VARS1: variants seen among roughly 807,000 people sequenced by gnomAD.
VARS1 encodes valine--tRNA ligase.
A neutral mutation model predicts 161.0 loss-of-function variants in VARS1; 92 were observed. The ratio of observed to expected loss-of-function variants is 0.57; its 90% CI spans 0.48 to 0.68. The LOEUF is 0.68. Among genes scored for constraint, VARS1 ranks in the 30% least tolerant of loss-of-function variants. The pLI is 0.00. For synonymous variants in VARS1, 595 were observed against 682.5 expected, an observed-to-expected ratio of 0.87 and a Z score of 2.00; for missense variants, 1,338 against 1,695.9, an observed-to-expected ratio of 0.79 and a Z score of 3.71.
In VARS1 at chr6:31,781,159, C is replaced by T. The variant is rs770178365; in HGVS notation, c.2545-36G>A. 1.1e-5 allele frequency: 18 copies of T among 1,606,854 alleles called. No homozygotes were observed. The African/African-American group carries it at 2.3e-4, about 20-fold the overall frequency. On this transcript the variant is annotated intron_variant, in intron 21 of 29. Coordinates refer to ENST00000375663, the MANE Select transcript of VARS1 (RefSeq NM_006295.3). The surrounding 1 kb of genome is among the most constrained non-coding windows in gnomAD (Gnocchi z 6.8). The stretch of plus-strand genomic sequence containing the variant: ...GGTGGGGAGGCCCATGAGACTCAGT[C>T]CTCTCCTTCCCCGGCCTCAGTGCCC...
rs1175119622 is a variant in VARS1 at position 31,778,581 on chromosome 6, C to G, written c.3726+386G>C. Among the ~76,000 whole-genome samples the G allele has an allele frequency of 6.6e-6, 1 of 152,128 alleles. No individual in the cohort carries two copies. Among genetic ancestry groups the G allele is most frequent in the Non-Finnish European group, 1.5e-5 (1 of 68,018 alleles). ...CTCAAGTGCAGTGGCATGATCTCGGCTCACTGCAGTCTTGACCTCCCAGGC... is the reference window on the plus strand; with the variant it reads ...CTCAAGTGCAGTGGCATGATCTCGGGTCACTGCAGTCTTGACCTCCCAGGC... On this transcript the variant is annotated intron_variant, in intron 29 of 29. Coordinates refer to ENST00000375663, the MANE Select transcript of VARS1 (RefSeq NM_006295.3). The surrounding 1 kb of genome is among the most constrained non-coding windows in gnomAD (Gnocchi z 5.1).
At position 31,779,197 on chromosome 6, in the gene VARS1, G is replaced by A. The variant is rs1812951394; in HGVS notation, c.3496C>T (p.Leu1166=). 3.1e-6 allele frequency: 5 copies of A among 1,607,308 alleles called. No homozygotes were observed. Among genetic ancestry groups the A allele is most frequent in the Admixed American group, 1.7e-5 (1 of 59,346 alleles). ...TGGGGGGCGGGAGCCCCCAGGGCCA[G>A]AACAGCCACCACACCTGCGCTGGCC... The part of the protein sequence containing the change: ...ALASAGVVAV[L]ALGAPAPQGC... The change falls in exon 29 of 30, where the codon CTG becomes TTG. Residue 1166 remains leucine, a synonymous_variant. Transcript: ENST00000375663. The surrounding 1 kb of genome is among the most constrained non-coding windows in gnomAD (Gnocchi z 9.1).
Position 31,785,413 on chromosome 6 carries a change from C to A in VARS1, c.1266-86G>T. 6.4e-7 allele frequency: 1 copy of A among 1,574,782 alleles called. No individual in the cohort carries two copies. The highest frequency in any genetic ancestry group is 8.7e-7 in the Non-Finnish European group (1 of 1,154,456). ...CTGACTGGGCAGTGTGGAGATCACC[C>A]ATCCCCCTGAAATTTACCTGGGCCC... is the stretch of plus-strand genomic sequence containing the variant. On this transcript the variant is annotated intron_variant, in intron 9 of 29. Coordinates refer to ENST00000375663, the MANE Select transcript of VARS1 (RefSeq NM_006295.3). This position sits in a 1 kb window ranked among gnomAD's most constrained non-coding sequence, Gnocchi z 6.1.
At position 31,784,413 on chromosome 6, in the gene VARS1, G is replaced by C. The variant is rs1813356364; in HGVS notation, c.1557C>G (p.Ala519=). The change falls in exon 12 of 30, where the codon GCC becomes GCG. Residue 519 remains alanine, a synonymous_variant. Transcript: ENST00000375663. The surrounding 1 kb of genome is among the most constrained non-coding windows in gnomAD (Gnocchi z 6.1). ...KVEFGVLVSF[A]YKVQGSDSDE... ...TCCTACCTGAGCCTTGGACCTTATA[G>C]GCAAAGGACACGAGGACCCCGAACT... 2 of 1,614,112 alleles carry C rather than the reference G, an allele frequency of 1.2e-6. No individual in the cohort carries two copies. The highest frequency in any genetic ancestry group is 2.2e-5 in the South Asian group (2 of 91,086).
At chr6:31,783,230 C>T (rs769337159) in intron 13 of VARS1, 44 bp from the exon 14 acceptor site, 18 of 1,584,608 alleles carry the variant, frequency 1.1e-5, no homozygotes, top group East Asian at 6.7e-5. Flanking sequence ...CAGGGCCAGA[C>T]GCCGTGATTC....
rs1207727389 is a variant in VARS1 at position 31,795,238 on chromosome 6, G to A, written c.-21C>T. The A allele has an allele frequency of 1.4e-6, 2 of 1,402,804 alleles. No homozygotes were observed. The highest frequency in any genetic ancestry group is 2.8e-5 in the African/African-American group (2 of 70,328). The allele number at this position is 1,402,804 out of a possible 1,614,324, so 86.9% of individuals were successfully genotyped here. On this transcript the variant is annotated 5_prime_UTR_variant, in exon 2 of 30. Coordinates refer to ENST00000375663, the MANE Select transcript of VARS1 (RefSeq NM_006295.3). The surrounding 1 kb of genome is among the most constrained non-coding windows in gnomAD (Gnocchi z 6.9). ...GACATAGTTATGAGAAGGTCCGAAC[G>A]AAGTGGAAAAACCTAAGGAGAAAGA...
At position 31,781,157 on chromosome 6, in the gene VARS1, G is replaced by C. The variant is rs374753529; in HGVS notation, c.2545-34C>G. The C allele has an allele frequency of 1.3e-4, 214 of 1,608,066 alleles. No individual in the cohort carries two copies. In the African/African-American group the frequency reaches 2.6e-3, roughly 20 times the overall value. The stretch of plus-strand genomic sequence containing the variant: ...CAGGTGGGGAGGCCCATGAGACTCA[G>C]TCCTCTCCTTCCCCGGCCTCAGTGC... On this transcript the variant is annotated intron_variant, in intron 21 of 29. Transcript: ENST00000375663. The surrounding 1 kb of genome is among the most constrained non-coding windows in gnomAD (Gnocchi z 6.8).
rs943449778 is a variant in VARS1, at chr6:31,793,011, G to A, written c.497C>T (p.Thr166Ile). The change falls in exon 3 of 30, where the codon ACA becomes ATA. Residue 166 changes from threonine (T) to isoleucine (I), a missense_variant. By Grantham distance (89) the Thr-to-Ile change is moderately conservative. Transcript: ENST00000375663. Reference protein sequence around the residue: ...APTLADLAAVTALLLPFRYVL... With the variant: ...APTLADLAAVIALLLPFRYVL... ...GTATCGGAAAGGCAGCAGCAAGGCT[G>A]TGACAGCCGCCAGGTCAGCCAGAGT... is the stretch of plus-strand genomic sequence containing the variant. 1.1e-5 allele frequency: 17 copies of A among 1,613,214 alleles called. No homozygotes were observed. Among genetic ancestry groups the A allele is most frequent in the Admixed American group, 1.7e-5 (1 of 60,010 alleles).
At position 31,779,970 on chromosome 6, in the gene VARS1, T is replaced by A; in HGVS notation, c.3081+28A>T. 2 of 1,611,658 alleles carry A rather than the reference T, an allele frequency of 1.2e-6. No individual in the cohort carries two copies. The highest frequency in any genetic ancestry group is 1.7e-6 in the Non-Finnish European group (2 of 1,178,748). ...CTCTGCTGCCCACCTGCCCCCACCA[T>A]CCCCTGCCCCGCTGTGCTCCTTCTC... On this transcript the variant is annotated intron_variant, in intron 26 of 29. Transcript: ENST00000375663. This position sits in a 1 kb window ranked among gnomAD's most constrained non-coding sequence, Gnocchi z 9.1.
In VARS1 at chr6:31,777,820, A is replaced by AC; in HGVS notation, c.3727-159dup. The AC allele has an allele frequency of 1.4e-6, 1 of 728,210 alleles. No homozygotes were observed. The highest frequency in any genetic ancestry group is 2.3e-6 in the Non-Finnish European group (1 of 433,230). The allele number at this position is 728,210 out of a possible 1,614,324, so 45.1% of individuals were successfully genotyped here. A position where few individuals can be genotyped will look rare whatever the true frequency, so the allele number is the denominator to read the frequency against. The stretch of plus-strand genomic sequence containing the variant: ...CTGGCCTGGCTCCCCACCCATTCCC[A>AC]CCAGCACCCCCACTTCCACCACCAC... On this transcript the variant is annotated intron_variant, in intron 29 of 29. Transcript: ENST00000375663. This position sits in a 1 kb window ranked among gnomAD's most constrained non-coding sequence, Gnocchi z 5.8.
In VARS1 at chr6:31,777,592, G is replaced by A; in HGVS notation, c.*2C>T. ...GGGTGAGGGGTGAAGCTGGGTGGTG[G>A]ATCACAGCATCTTCTGGAATAGGGC... On this transcript the variant is annotated 3_prime_UTR_variant, in exon 30 of 30. Coordinates refer to ENST00000375663, the MANE Select transcript of VARS1 (RefSeq NM_006295.3). This position sits in a 1 kb window ranked among gnomAD's most constrained non-coding sequence, Gnocchi z 5.8. 1 of 1,614,086 alleles carries A rather than the reference G, an allele frequency of 6.2e-7. No homozygotes were observed.
At chr6:31,783,389 A>T (rs1253066278) in intron 13 of VARS1, 1 of 594,338 alleles carries the variant, frequency 1.7e-6, no homozygotes, top group African/African-American at 1.9e-5. Flanking sequence ...GCGTGCCTGT[A>T]ATCTCAGCTA....
At chr6:31,790,545 T>C (rs995908469) in intron 8 of VARS1, among the ~76,000 whole-genome samples, 2 of 123,076 alleles carry the variant, frequency 1.6e-5, no homozygotes, top group East Asian at 5.0e-4. Flanking sequence ...GAGGTTGCGG[T>C]GAGCCGAGAT....
intron 8 of VARS1, among the ~76,000 whole-genome samples, chr6:31,789,921 G>A (rs1813757790): frequency 6.6e-6 from 1 of 152,046 alleles, no homozygotes; most frequent in Non-Finnish European, 1.5e-5. Flanking sequence ...CTACTTGGGA[G>A]GCTGAGGCAG....
Position 31,782,393 on chromosome 6 carries a change from C to T in VARS1, c.2042G>A (p.Arg681His), listed in dbSNP as rs551633326. 92 of 1,612,406 alleles carry T rather than the reference C, an allele frequency of 5.7e-5. No individual in the cohort carries two copies. The East Asian group carries it at 1.3e-3, about 23-fold the overall frequency. ...GGCAGCCTGGGCCATCTCCCCGCAG[C>T]GAACGTACCACTGCGGCCGCAGCAG... The part of the protein sequence containing the change: ...EPLLRPQWYV[R>H]CGEMAQAASA... The change falls in exon 17 of 30, where the codon CGC becomes CAC. Residue 681 changes from arginine to histidine, a missense_variant. Physicochemically the swap from Arg to His is conservative, Grantham distance 29. Coordinates refer to ENST00000375663, the MANE Select transcript of VARS1 (RefSeq NM_006295.3). The surrounding 1 kb of genome is among the most constrained non-coding windows in gnomAD (Gnocchi z 8.3).
rs535205609 is a variant in VARS1 at position 31,790,928 on chromosome 6, G to A, written c.1100+682C>T. On this transcript the variant is annotated intron_variant, in intron 8 of 29. Transcript: ENST00000375663. ...TGATAACAATGGCTAAATCTTAGGA[G>A]GAAGTAGGTGTGGAGGGGGATGGTC... Among the ~76,000 whole-genome samples the A allele has an allele frequency of 7.9e-5, 12 of 152,272 alleles. No homozygotes were observed. In the South Asian group the frequency reaches 1.7e-3, roughly 21 times the overall value.
Position 31,791,521 on chromosome 6 carries a change from G to C in VARS1, c.1100+89C>G, listed in dbSNP as rs1158524157. Reference sequence around the variant, plus strand: ...GGGGGCAGAAGTGAGCACCAACCCAGAAGGAGAGAGGCTCGGGGGGCTGTC... The same window carrying C: ...GGGGGCAGAAGTGAGCACCAACCCACAAGGAGAGAGGCTCGGGGGGCTGTC... On this transcript the variant is annotated intron_variant, in intron 8 of 29. Coordinates refer to ENST00000375663, the MANE Select transcript of VARS1 (RefSeq NM_006295.3). This position sits in a 1 kb window ranked among gnomAD's most constrained non-coding sequence, Gnocchi z 5.0. 6.6e-7 allele frequency: 1 copy of C among 1,508,832 alleles called. No individual in the cohort carries two copies. Among genetic ancestry groups the C allele is most frequent in the Non-Finnish European group, 8.9e-7 (1 of 1,129,108 alleles). 93.5% of individuals were successfully genotyped at this position (1,508,832 alleles called of 1,614,324 possible).
chr6:31,782,446 G>T lies in VARS1; in HGVS notation c.1992-3C>A. 1 of 1,612,054 alleles carries T rather than the reference G, an allele frequency of 6.2e-7. No individual in the cohort carries two copies. The highest frequency in any genetic ancestry group is 8.5e-7 in the Non-Finnish European group (1 of 1,179,480). On this transcript the variant is annotated splice_region_variant and splice_polypyrimidine_tract_variant and intron_variant, in intron 16 of 29. Coordinates refer to ENST00000375663, the MANE Select transcript of VARS1 (RefSeq NM_006295.3). This position sits in a 1 kb window ranked among gnomAD's most constrained non-coding sequence, Gnocchi z 8.3. ...GCTCTACCACGTCCTTCGACCGGCT[G>T]GGGGTACACGTAGGTGAGAAGGCCA...
rs759816355 is a variant in VARS1, at chr6:31,793,095, G to C, written c.413C>G (p.Ala138Gly). 2.5e-6 allele frequency: 4 copies of C among 1,607,002 alleles called. No homozygotes were observed. In the African/African-American group the frequency reaches 5.4e-5, roughly 22 times the overall value. The change falls in exon 3 of 30, where the codon GCC (alanine) becomes GGC (glycine). Residue 138 changes from alanine (A) to glycine (G), a missense_variant. Transcript: ENST00000375663. ...PQAVLGALGRALSPLEEWLRL... is the reference protein window; with the variant it reads ...PQAVLGALGRGLSPLEEWLRL... ...AAGCCACTCCTCCAAGGGGCTCAGGGCCCTGCCCAGGGCCCCCAGCACAGC... is the reference window on the plus strand; with the variant it reads ...AAGCCACTCCTCCAAGGGGCTCAGGCCCCTGCCCAGGGCCCCCAGCACAGC...
Sources: allele counts gnomAD v4.1 joint callset (sites outside exome capture counted in the v4.1 genomes callset), GRCh38; gene constraint gnomAD v4.1.1; non-coding constraint Gnocchi (gnomAD v3.1); transcripts MANE v1.5; gene names NCBI Gene and HGNC (gene_info 2026-07-23, HGNC 2026-07-21).